POFUT3: variants seen among roughly 807,000 people sequenced by gnomAD.
POFUT3 encodes the protein GDP-fucose protein O-fucosyltransferase 3.
chr8:33,400,496 G>C, the POFUT3 span, among the ~76,000 whole-genome samples: 1 of 151,828 alleles, frequency 6.6e-6, no homozygotes, highest in Non-Finnish European at 1.5e-5. Context: ...AAAATAAATG[G>C]AGGGGTGGAT....
chr8:33,411,737 G>A, the POFUT3 span, among the ~76,000 whole-genome samples: 1 of 152,154 alleles, frequency 6.6e-6, no homozygotes, highest in Non-Finnish European at 1.5e-5. Flanking sequence ...GCAGTGAGCC[G>A]AGATGGTGCC....
chr8:33,431,703 G>A, the POFUT3 span, among the ~76,000 whole-genome samples: 261 of 151,288 alleles, frequency 1.7e-3, 1 homozygote, highest in African/African-American at 5.9e-3. Context: ...CAGGGCTGAT[G>A]TATTAAAGAT....
the POFUT3 span, among the ~76,000 whole-genome samples, chr8:33,423,521 C>T: frequency 2.0e-5 from 3 of 152,056 alleles, no homozygotes; most frequent in Non-Finnish European, 4.4e-5. Context: ...CCTCCTTCCT[C>T]CATCTCCCAA....
At chr8:33,436,370 G>C in the POFUT3 span, 1 of 1,374,042 alleles carries the variant, frequency 7.3e-7, no homozygotes, top group Non-Finnish European at 1.0e-6. Context: ...CATCTTTCAT[G>C]ATGTCACATT....
the POFUT3 span, among the ~76,000 whole-genome samples, chr8:33,342,134 C>T: frequency 2.5e-4 from 38 of 151,894 alleles, no homozygotes; most frequent in African/African-American, 8.0e-4. Context: ...GAGCTGAGAT[C>T]ACACCACTGC....
At chr8:33,403,650 A>G in the POFUT3 span, among the ~76,000 whole-genome samples, 1 of 152,120 alleles carries the variant, frequency 6.6e-6, no homozygotes, top group East Asian at 1.9e-4. Context: ...TGAGCCCAAG[A>G]GTTCAAGGCT....
the POFUT3 span, among the ~76,000 whole-genome samples, chr8:33,392,430 G>A: frequency 4.0e-4 from 61 of 151,482 alleles, no homozygotes; most frequent in African/African-American, 1.4e-3. Flanking sequence ...ACAAAAATTA[G>A]CCAGGCATGG....
At chr8:33,318,455 T>C in the POFUT3 span, among the ~76,000 whole-genome samples, 1 of 139,348 alleles carries the variant, frequency 7.2e-6, no homozygotes, top group South Asian at 2.1e-4. Flanking sequence ...TGTGTGTGTG[T>C]ATGAATTCTA....
At chr8:33,428,285 C>T in the POFUT3 span, among the ~76,000 whole-genome samples, 1 of 152,180 alleles carries the variant, frequency 6.6e-6, no homozygotes, top group Admixed American at 6.5e-5. Flanking sequence ...AGCACGTTCT[C>T]AACAGGAGAA....
chr8:33,372,972 T>G, the POFUT3 span, among the ~76,000 whole-genome samples: 1 of 152,190 alleles, frequency 6.6e-6, no homozygotes, highest in East Asian at 1.9e-4. Context: ...GCATATTGAA[T>G]AGGTGCTACT....
At chr8:33,377,156 TGGG>T in the POFUT3 span, among the ~76,000 whole-genome samples, 1 of 150,816 alleles carries the variant, frequency 6.6e-6, no homozygotes, top group Non-Finnish European at 1.5e-5. Context: ...CACTTGAAGC[TGGG>T]AGGCGGAGGT....
the POFUT3 span, chr8:33,453,210 G>A: frequency 6.2e-7 from 1 of 1,612,792 alleles, no homozygotes; most frequent in Non-Finnish European, 8.5e-7. Context: ...CGAAAGTCCT[G>A]CTTACCATAG....
At chr8:33,324,014 G>A in the POFUT3 span, among the ~76,000 whole-genome samples, 1 of 152,154 alleles carries the variant, frequency 6.6e-6, no homozygotes, top group Admixed American at 6.5e-5. Flanking sequence ...AGGGCTGGGT[G>A]GTGGGAAGGA....
the POFUT3 span, among the ~76,000 whole-genome samples, chr8:33,425,690 G>A: frequency 1.3e-5 from 2 of 152,008 alleles, no homozygotes; most frequent in South Asian, 4.1e-4. Context: ...TGGAGGCTGA[G>A]GCAGGCAGAT....
chr8:33,408,268 G>A, the POFUT3 span, among the ~76,000 whole-genome samples: 4 of 150,824 alleles, frequency 2.7e-5, no homozygotes, highest in African/African-American at 9.8e-5. Context: ...AGGTTGCAGT[G>A]AGCTATGATC....
the POFUT3 span, chr8:33,453,187 C>T: frequency 1.2e-6 from 2 of 1,604,778 alleles, no homozygotes; most frequent in East Asian, 4.5e-5. Context: ...CCACAGCAAA[C>T]AAGGGAGAAA....
chr8:33,472,131 T>A, the POFUT3 span, among the ~76,000 whole-genome samples: 1 of 152,030 alleles, frequency 6.6e-6, no homozygotes, highest in African/African-American at 2.4e-5. Context: ...GAAAGAAAGG[T>A]GTACGAAGGG....
At chr8:33,421,949 A>G in the POFUT3 span, among the ~76,000 whole-genome samples, 6 of 151,936 alleles carry the variant, frequency 3.9e-5, no homozygotes, top group Non-Finnish European at 7.4e-5. Context: ...AAAAGGAAAA[A>G]AGAACAAACT....
the POFUT3 span, among the ~76,000 whole-genome samples, chr8:33,443,042 G>A: frequency 1.3e-5 from 2 of 152,112 alleles, no homozygotes; most frequent in African/African-American, 4.8e-5. Flanking sequence ...GAGCCTGAGA[G>A]GCAGAAGGTG....
Sources: allele counts gnomAD v4.1 joint callset (sites outside exome capture counted in the v4.1 genomes callset), GRCh38; gene constraint gnomAD v4.1.1; transcripts MANE v1.5; gene names NCBI Gene and HGNC (gene_info 2026-07-23, HGNC 2026-07-21).